GRIN1: variants seen among roughly 807,000 people sequenced by gnomAD.
GRIN1 encodes the protein glutamate ionotropic receptor NMDA type subunit 1.
GRIN1 carries 38 observed loss-of-function variants against 103.0 expected under a neutral mutation model. The observed-to-expected ratio is 0.37, with a 90% CI of 0.28 to 0.48. The LOEUF is 0.48. Among genes scored for constraint, GRIN1 ranks in the 20% least tolerant of loss-of-function variants. The pLI is 0.98. For missense variants in GRIN1, 577 were observed against 1,288.9 expected (o/e 0.45, Z 8.46); for synonymous variants, 544 against 532.7 (o/e 1.02, Z -0.29).
At chr9:137,144,449 T>G (rs1320206740) in intron 2 of GRIN1, among the ~76,000 whole-genome samples, 1 of 150,690 alleles carries the variant, frequency 6.6e-6, no homozygotes, top group African/African-American at 2.4e-5. Context: ...GGTCAGGAGA[T>G]CGAGACCATC....
intron 19 of GRIN1, among the ~76,000 whole-genome samples, chr9:137,167,063 C>T (rs909084339): frequency 6.6e-6 from 1 of 152,162 alleles, no homozygotes; most frequent in Non-Finnish European, 1.5e-5. Context: ...AACCCTCACC[C>T]GAGCCTCTCT....
At chr9:137,153,047 A>G (rs1181150995) in intron 4 of GRIN1, among the ~76,000 whole-genome samples, 1 of 151,944 alleles carries the variant, frequency 6.6e-6, no homozygotes, top group Non-Finnish European at 1.5e-5. Flanking sequence ...GTCATACACA[A>G]CACATACACG....
chr9:137,154,249 C>T (rs78331070), intron 4 of GRIN1, among the ~76,000 whole-genome samples: 3 of 145,476 alleles, frequency 2.1e-5, no homozygotes, highest in African/African-American at 5.1e-5. Flanking sequence ...CTCAGCCTCC[C>T]GAGTAGCTGG....
At position 137,162,482 on chromosome 9, in the gene GRIN1, C is replaced by T. The variant is rs2131298605; in HGVS notation, c.1830C>T (p.Ser610=). Residue 610 remains serine (S), a synonymous_variant, in exon 13 of 20, where the codon TCC becomes TCT. Coordinates refer to ENST00000371561, the MANE Select transcript of GRIN1 (RefSeq NM_007327.4). ...CCCTGTCCTCGGCCATGTGGTTCTC[C>T]TGGGGCGTCCTGCTCAACTCCGGCA... ...ALTLSSAMWF[S]WGVLLNSGIG... 2 of 1,611,974 alleles carry T rather than the reference C, an allele frequency of 1.2e-6. No individual in the cohort carries two copies. Among genetic ancestry groups the T allele is most frequent in the Non-Finnish European group, 1.7e-6 (2 of 1,179,792 alleles).
In GRIN1 at chr9:137,146,412, C is replaced by A. The variant is rs563087617; in HGVS notation, c.570+510C>A. Among the ~76,000 whole-genome samples, 63 of 152,172 alleles carry A rather than the reference C, an allele frequency of 4.1e-4. No homozygotes were observed. The highest frequency in any genetic ancestry group is 5.4e-4 in the Non-Finnish European group (37 of 67,982). Reference sequence around the variant, plus strand: ...CTCTGCACCTCATGGCTCAGCAAAGCCCTGTCCACAGACACCTGCCCCCCA... The same window carrying A: ...CTCTGCACCTCATGGCTCAGCAAAGACCTGTCCACAGACACCTGCCCCCCA... On this transcript the variant is annotated intron_variant, in intron 3 of 19. Transcript: ENST00000371561. This position sits in a 1 kb window ranked among gnomAD's most constrained non-coding sequence, Gnocchi z 6.7.
At chr9:137,164,418 C>G (rs1038164453) in intron 18 of GRIN1, 17 of 224,604 alleles carry the variant, frequency 7.6e-5, no homozygotes, top group Non-Finnish European at 3.6e-5. Context: ...CCAGCAAGGG[C>G]AGCCACGGCC....
chr9:137,153,007 C>G (rs561077195), intron 4 of GRIN1, among the ~76,000 whole-genome samples: 1 of 152,094 alleles, frequency 6.6e-6, no homozygotes, highest in South Asian at 2.1e-4. Context: ...ACTCATACAT[C>G]TCTACTCACA....
chr9:137,168,751 C>A lies in GRIN1; in HGVS notation c.*1224C>A. 1 of 871,796 alleles carries A rather than the reference C, an allele frequency of 1.1e-6. No homozygotes were observed. The highest frequency in any genetic ancestry group is 5.8e-5 in the South Asian group (1 of 17,280). 54.0% of individuals were successfully genotyped at this position (871,796 alleles called of 1,614,324 possible). A position where few individuals can be genotyped will look rare whatever the true frequency, so the allele number is the denominator to read the frequency against. ...GCAGTGGTGATGCCTAAAGGAATGTCACGCAGTTTTCGGTCTGTGTCGCTT... is the reference window on the plus strand; with the variant it reads ...GCAGTGGTGATGCCTAAAGGAATGTAACGCAGTTTTCGGTCTGTGTCGCTT... On this transcript the variant is annotated 3_prime_UTR_variant, in exon 20 of 20. Transcript: ENST00000371561.
At chr9:137,151,920 T>C (rs1232691560) in intron 4 of GRIN1, among the ~76,000 whole-genome samples, 65 of 120,886 alleles carry the variant, frequency 5.4e-4, no homozygotes, top group African/African-American at 1.9e-3. Flanking sequence ...TTTTTTTTTT[T>C]CTTTGAGATG....
chr9:137,168,629 C>G lies in GRIN1; in HGVS notation c.*1102C>G. On this transcript the variant is annotated 3_prime_UTR_variant, in exon 20 of 20. Transcript: ENST00000371561. ...AGAACCAGCACTCCCAGGGCCCGAG[C>G]GCGTGCCTTCCCCGTGCGGCCCGTG... 2.9e-6 allele frequency: 1 copy of G among 347,906 alleles called. No homozygotes were observed. The highest frequency in any genetic ancestry group is 5.1e-6 in the Non-Finnish European group (1 of 197,096). 21.6% of individuals were successfully genotyped at this position (347,906 alleles called of 1,614,324 possible).
At chr9:137,157,059 CTGGGCGGGGCTGCTCTTGGGGAGG>C (rs769967011) in intron 6 of GRIN1, 22 bp downstream of exon 6, 2 of 1,164,468 alleles carry the variant, frequency 1.7e-6, no homozygotes, top group Admixed American at 4.5e-5. Context: ...CTCCCCGGAG[CTGGGCGGGGCTGCTCTTGGGGAGG>C]TGGGCGGGGT....
In GRIN1 at chr9:137,145,687, C is replaced by G. The variant is rs773803618; in HGVS notation, c.394-39C>G. The G allele has an allele frequency of 5.7e-6, 9 of 1,579,762 alleles. No homozygotes were observed. In the Admixed American group the frequency reaches 6.8e-5, roughly 12 times the overall value. On this transcript the variant is annotated intron_variant, in intron 2 of 19. Coordinates refer to ENST00000371561, the MANE Select transcript of GRIN1 (RefSeq NM_007327.4). ...AGGCGGGTGGGAGGGCGGGTCCCCG[C>G]GGGTCCACCTCAGCCCGCCGTGCCC... is the stretch of plus-strand genomic sequence containing the variant.
intron 4 of GRIN1, among the ~76,000 whole-genome samples, chr9:137,154,614 G>T (rs138959672): frequency 1.3e-5 from 2 of 151,262 alleles, no homozygotes; most frequent in Admixed American, 1.3e-4. Context: ...CCACCACCCC[G>T]GCTAATTTTT....
chr9:137,149,507 G>A (rs1832720897), intron 4 of GRIN1, among the ~76,000 whole-genome samples: 1 of 152,230 alleles, frequency 6.6e-6, no homozygotes. Flanking sequence ...CAGGCGAAAA[G>A]GCCCACAGCA....
intron 15 of GRIN1, 55 bp from the exon 16 acceptor site, chr9:137,163,114 T>A: frequency 5.0e-6 from 8 of 1,601,174 alleles, no homozygotes; most frequent in Non-Finnish European, 6.8e-6. Context: ...GGCGCGGGCG[T>A]GGGGCTTCCA....
chr9:137,167,924 G>A lies in GRIN1; in HGVS notation c.*397G>A. 1 of 1,284,492 alleles carries A rather than the reference G, an allele frequency of 7.8e-7. No individual in the cohort carries two copies. The highest frequency in any genetic ancestry group is 1.1e-6 in the Non-Finnish European group (1 of 904,728). 79.6% of individuals were successfully genotyped at this position (1,284,492 alleles called of 1,614,324 possible). A position where few individuals can be genotyped will look rare whatever the true frequency, so the allele number is the denominator to read the frequency against. ...TGCTGCTCGGGAAGGCCTGAGGGAA[G>A]CCCACCCGCCCCAGAGACTGCCCAC... is the stretch of plus-strand genomic sequence containing the variant. On this transcript the variant is annotated 3_prime_UTR_variant, in exon 20 of 20. Coordinates refer to ENST00000371561, the MANE Select transcript of GRIN1 (RefSeq NM_007327.4).
intron 3 of GRIN1, among the ~76,000 whole-genome samples, chr9:137,148,768 A>C (rs533060087): frequency 4.6e-5 from 7 of 152,374 alleles, no homozygotes; most frequent in African/African-American, 1.7e-4. Flanking sequence ...CAGAGAGAGC[A>C]GAGAGAGCAC....
At chr9:137,143,819 G>A (rs552229759) in intron 2 of GRIN1, among the ~76,000 whole-genome samples, 62 of 152,334 alleles carry the variant, frequency 4.1e-4, no homozygotes, top group African/African-American at 1.4e-3. Context: ...AGGACCACAA[G>A]ATCAGCAAGA....
intron 8 of GRIN1, among the ~76,000 whole-genome samples, chr9:137,159,231 G>T (rs762548272): frequency 9.2e-5 from 14 of 151,900 alleles, no homozygotes; most frequent in Non-Finnish European, 1.9e-4. Flanking sequence ...CTACTCCAGG[G>T]TGCTCTCCTG....
Sources: allele counts gnomAD v4.1 joint callset (sites outside exome capture counted in the v4.1 genomes callset), GRCh38; gene constraint gnomAD v4.1.1; non-coding constraint Gnocchi (gnomAD v3.1); transcripts MANE v1.5; gene names NCBI Gene and HGNC (gene_info 2026-07-23, HGNC 2026-07-21).